The following FAF1 variants were observed in gnomAD, a reference collection of about 807,000 sequenced individuals.
The protein encoded by FAF1 is FAS-associated factor 1.
Under a neutral mutation model 92.5 loss-of-function variants are expected in FAF1, and 25 were observed. That is an observed-to-expected ratio of 0.27 (90% CI 0.20 to 0.38). The LOEUF (loss-of-function observed/expected upper bound fraction) is 0.38. FAF1 is among the 10% of genes least tolerant of loss of function. FAF1 has a pLI of 1.00. For missense variants in FAF1, 636 were observed against 793.3 expected, an observed-to-expected ratio of 0.80 and a Z score of 2.38; for synonymous variants, 234 against 273.2, an observed-to-expected ratio of 0.86 and a Z score of 1.42.
intron 18 of FAF1, among the ~76,000 whole-genome samples, chr1:50,452,520 T>C (rs550830754): frequency 1.1e-4 from 17 of 152,162 alleles, no homozygotes; most frequent in Non-Finnish European, 1.9e-4. Context: ...AGGCTGGGAA[T>C]CACTGAGTTA....
intron 1 of FAF1, among the ~76,000 whole-genome samples, chr1:50,910,056 G>A (rs1438556075): frequency 1.3e-5 from 2 of 152,156 alleles, no homozygotes; most frequent in African/African-American, 4.8e-5. Context: ...TACAGACGGG[G>A]TTTTGGTGTG....
chr1:50,960,144 G>A lies in FAF1; in HGVS notation c.-333C>T, dbSNP rs916710818. The A allele has an allele frequency of 4.8e-4, 168 of 351,814 alleles. 2 individuals carry two copies. The highest frequency in any genetic ancestry group is 3.5e-3 in the African/African-American group (163 of 46,934). 21.8% of individuals were successfully genotyped at this position (351,814 alleles called of 1,614,324 possible). On this transcript the variant is annotated 5_prime_UTR_variant, in exon 1 of 19. Coordinates refer to ENST00000396153, the MANE Select transcript of FAF1 (RefSeq NM_007051.3). The stretch of plus-strand genomic sequence containing the variant: ...GGCAGGTTGCGACAGCGCGCACCCG[G>A]ATACCTTCAGCGGCGTTAAGCCCGG...
chr1:50,795,489 GAAC>G (rs769434405), intron 3 of FAF1, among the ~76,000 whole-genome samples: 2 of 152,186 alleles, frequency 1.3e-5, no homozygotes, highest in Admixed American at 6.5e-5. Context: ...TAGCTTGGCA[GAAC>G]AACAGAATGA....
At chr1:50,806,089 G>C (rs933172502) in intron 2 of FAF1, among the ~76,000 whole-genome samples, 15 of 152,054 alleles carry the variant, frequency 9.9e-5, no homozygotes, top group Non-Finnish European at 2.1e-4. Flanking sequence ...ACAAGCTGCA[G>C]ACTAGGAAAA....
intron 4 of FAF1, among the ~76,000 whole-genome samples, chr1:50,754,334 A>AT (rs1659990748): frequency 6.6e-6 from 1 of 152,212 alleles, no homozygotes; most frequent in Non-Finnish European, 1.5e-5. Flanking sequence ...CCCAAGCAGT[A>AT]TTTAATCTTG....
intron 13 of FAF1, among the ~76,000 whole-genome samples, chr1:50,547,537 C>T (rs1207935882): frequency 6.6e-6 from 1 of 151,956 alleles, no homozygotes; most frequent in African/African-American, 2.4e-5. Flanking sequence ...GCCTCAGCCT[C>T]CTGAGTAGCT....
At chr1:50,915,399 T>G (rs924127227) in intron 1 of FAF1, among the ~76,000 whole-genome samples, 36 of 151,142 alleles carry the variant, frequency 2.4e-4, no homozygotes, top group Admixed American at 7.2e-4. Flanking sequence ...AACAACTTAC[T>G]GAAAAACAAA....
chr1:50,702,337 G>A (rs538147706), intron 7 of FAF1, among the ~76,000 whole-genome samples: 13 of 152,010 alleles, frequency 8.6e-5, no homozygotes, highest in African/African-American at 3.1e-4. Flanking sequence ...TGAATTCTCA[G>A]CGTAAAAAAA....
intron 18 of FAF1, among the ~76,000 whole-genome samples, chr1:50,453,233 G>T (rs986100948): frequency 6.6e-6 from 1 of 152,208 alleles, no homozygotes; most frequent in Admixed American, 6.5e-5. Context: ...GCTTCAGAGA[G>T]ATCTGGAGTG....
At chr1:50,924,282 GA>G (rs35291746) in intron 1 of FAF1, among the ~76,000 whole-genome samples, 141,223 of 141,956 alleles carry the variant, frequency 0.99, 70,245 homozygotes, top group East Asian at 1. Flanking sequence ...GGAACAATTT[GA>G]AAAAAAAAAA....
chr1:50,472,300 G>A (rs1454344558), intron 18 of FAF1, among the ~76,000 whole-genome samples: 1 of 151,462 alleles, frequency 6.6e-6, no homozygotes, highest in East Asian at 1.9e-4. Flanking sequence ...ATGTCCAGGA[G>A]GTAGAGCTCT....
intron 18 of FAF1, among the ~76,000 whole-genome samples, chr1:50,469,276 C>T (rs984450741): frequency 1.3e-5 from 2 of 152,208 alleles, no homozygotes; most frequent in African/African-American, 2.4e-5. Flanking sequence ...ATTGAATGTA[C>T]ACTCTCAAGC....
chr1:50,582,812 T>C, intron 11 of FAF1, 113 bp from the exon 12 acceptor site: 3 of 668,096 alleles, frequency 4.5e-6, no homozygotes, highest in Non-Finnish European at 7.9e-6. Flanking sequence ...TAGTGCATAC[T>C]AAACATAAAA....
chr1:50,835,655 C>T (rs1211327170), intron 2 of FAF1, among the ~76,000 whole-genome samples: 3 of 150,338 alleles, frequency 2.0e-5, no homozygotes, highest in African/African-American at 7.4e-5. Context: ...AAATTGGAGA[C>T]ACCATCTAAA....
At chr1:50,469,260 TA>T (rs1405172386) in intron 18 of FAF1, among the ~76,000 whole-genome samples, 2 of 152,270 alleles carry the variant, frequency 1.3e-5, no homozygotes, top group East Asian at 3.9e-4. Flanking sequence ...CAGTGGTCAT[TA>T]ATTAATTGAA....
chr1:50,750,762 A>G (rs1338967893), intron 4 of FAF1, among the ~76,000 whole-genome samples: 1 of 151,264 alleles, frequency 6.6e-6, no homozygotes, highest in Non-Finnish European at 1.5e-5. Flanking sequence ...TAGCTGGACT[A>G]CAGGCACATC....
chr1:50,730,245 G>A (rs960888070), intron 6 of FAF1, among the ~76,000 whole-genome samples: 1 of 151,826 alleles, frequency 6.6e-6, no homozygotes, highest in Non-Finnish European at 1.5e-5. Flanking sequence ...TTAGCATAAA[G>A]ACATGGATAT....
At chr1:50,778,834 C>CACAG (rs1661055681) in intron 4 of FAF1, among the ~76,000 whole-genome samples, 2 of 150,764 alleles carry the variant, frequency 1.3e-5, no homozygotes, top group African/African-American at 5.0e-5. Flanking sequence ...AAACAAAACA[C>CACAG]ACAGACACAC....
intron 8 of FAF1, among the ~76,000 whole-genome samples, chr1:50,598,704 C>T (rs1335546552): frequency 2.0e-5 from 3 of 152,168 alleles, no homozygotes; most frequent in African/African-American, 7.2e-5. Flanking sequence ...GGCGCGGTGG[C>T]TCACGCCTGT....
Sources: allele counts gnomAD v4.1 joint callset (sites outside exome capture counted in the v4.1 genomes callset), GRCh38; gene constraint gnomAD v4.1.1; transcripts MANE v1.5; gene names NCBI Gene and HGNC (gene_info 2026-07-23, HGNC 2026-07-21).